Variants in SLC35F1 observed in about 807,000 individuals in gnomAD.
The protein encoded by SLC35F1 is chromosome 6 open reading frame 169.
A neutral mutation model predicts 48.7 loss-of-function variants in SLC35F1; 14 were observed. The ratio of observed to expected loss-of-function variants is 0.29; its 90% confidence interval spans 0.19 to 0.45. The LOEUF (loss-of-function observed/expected upper bound fraction) is 0.45, where lower values mean the gene tolerates loss of function less well. Ranked by LOEUF, SLC35F1 falls within the 20% of genes least tolerant of loss-of-function variation. SLC35F1 has a pLI of 1.00. For missense variants in SLC35F1, 404 were observed against 500.0 expected, an observed-to-expected ratio of 0.81 and a Z score of 1.83; for synonymous variants, 190 against 202.2, an observed-to-expected ratio of 0.94 and a Z score of 0.51.
intron 2 of SLC35F1, among the ~76,000 whole-genome samples, chr6:118,170,024 G>T (rs552408995): frequency 6.6e-6 from 1 of 152,152 alleles, no homozygotes; most frequent in Non-Finnish European, 1.5e-5. Context: ...CTTCTAAAAC[G>T]CAGGCTAAGT....
intron 1 of SLC35F1, among the ~76,000 whole-genome samples, chr6:117,996,207 T>G (rs1179370933): frequency 2.0e-5 from 3 of 152,172 alleles, no homozygotes; most frequent in Admixed American, 2.0e-4. Context: ...AAAAACAAAC[T>G]TTAGTGTTAA....
chr6:118,251,658 A>G (rs765898790), intron 3 of SLC35F1, among the ~76,000 whole-genome samples: 1 of 152,170 alleles, frequency 6.6e-6, no homozygotes, highest in Non-Finnish European at 1.5e-5. Context: ...TTCAGATCAG[A>G]TCAGACAGAA....
At chr6:117,911,392 C>T (rs1422928536) in intron 1 of SLC35F1, among the ~76,000 whole-genome samples, 1 of 124,468 alleles carries the variant, frequency 8.0e-6, no homozygotes, top group Non-Finnish European at 1.7e-5. Context: ...CCTCCCCTCC[C>T]CTCCCCTCCC....
At chr6:118,159,808 T>C (rs1774202451) in intron 2 of SLC35F1, among the ~76,000 whole-genome samples, 1 of 152,222 alleles carries the variant, frequency 6.6e-6, no homozygotes, top group African/African-American at 2.4e-5. Flanking sequence ...CTCTTGTCTG[T>C]TATGACAAAA....
chr6:118,234,118 A>G (rs867566042), intron 2 of SLC35F1, among the ~76,000 whole-genome samples: 2 of 152,162 alleles, frequency 1.3e-5, no homozygotes, highest in Admixed American at 1.3e-4. Context: ...TGAGGATCCA[A>G]TGTTCTTCTG....
At chr6:118,222,086 A>G (rs972080334) in intron 2 of SLC35F1, among the ~76,000 whole-genome samples, 3 of 152,056 alleles carry the variant, frequency 2.0e-5, no homozygotes, top group Admixed American at 6.6e-5. Context: ...TTTTTGTTGA[A>G]GAAATAATCA....
intron 6 of SLC35F1, among the ~76,000 whole-genome samples, chr6:118,278,698 C>T (rs1775946936): frequency 6.6e-6 from 1 of 152,148 alleles, no homozygotes; most frequent in South Asian, 2.1e-4. Context: ...AAGAGGAGGG[C>T]AACAGGGAAA....
At chr6:117,987,069 G>C (rs1425345991) in intron 1 of SLC35F1, among the ~76,000 whole-genome samples, 1 of 152,088 alleles carries the variant, frequency 6.6e-6, no homozygotes, top group East Asian at 1.9e-4. Context: ...CACGTTAAAG[G>C]CCAAGCCTGT....
At chr6:118,146,537 T>C (rs1489653443) in intron 1 of SLC35F1, among the ~76,000 whole-genome samples, 1 of 152,200 alleles carries the variant, frequency 6.6e-6, no homozygotes, top group African/African-American at 2.4e-5. Flanking sequence ...AAAACTATGT[T>C]CTCTAGAAAA....
At chr6:117,950,376 T>A (rs1413202172) in intron 1 of SLC35F1, among the ~76,000 whole-genome samples, 3 of 152,226 alleles carry the variant, frequency 2.0e-5, no homozygotes, top group Non-Finnish European at 4.4e-5. Context: ...CATGACTGGC[T>A]GGACTCCAGA....
At chr6:117,992,681 T>G (rs1053484794) in intron 1 of SLC35F1, among the ~76,000 whole-genome samples, 1 of 152,216 alleles carries the variant, frequency 6.6e-6, no homozygotes, top group Non-Finnish European at 1.5e-5. Flanking sequence ...ATGAGAGAGA[T>G]TTTTAATGGA....
rs112180558 is a variant in SLC35F1, at chr6:118,099,323, C to T, written c.174-55122C>T. ...TGCCAAAGTTCCTGATCCAGTAAGTCGATGCTGCTAGTTGGGAAACCTTAT... is the reference window on the plus strand; with the variant it reads ...TGCCAAAGTTCCTGATCCAGTAAGTTGATGCTGCTAGTTGGGAAACCTTAT... On this transcript the variant is annotated intron_variant, in intron 1 of 7. Transcript: ENST00000360388. 8.8e-3 allele frequency among the ~76,000 whole-genome samples: 1,338 copies of T among 152,274 alleles called. 13 individuals carry two copies. Among genetic ancestry groups the T allele is most frequent in the Non-Finnish European group, 0.015 (1,001 of 68,016 alleles).
intron 2 of SLC35F1, among the ~76,000 whole-genome samples, chr6:118,203,701 C>T (rs1774898584): frequency 6.6e-6 from 1 of 152,212 alleles, no homozygotes; most frequent in South Asian, 2.1e-4. Flanking sequence ...AAAAAAACTG[C>T]AAACTGTCTG....
At chr6:118,089,438 A>G (rs1328758596) in intron 1 of SLC35F1, among the ~76,000 whole-genome samples, 1 of 152,160 alleles carries the variant, frequency 6.6e-6, no homozygotes, top group African/African-American at 2.4e-5. Flanking sequence ...GCCTTTTGCT[A>G]AAGGAATTAG....
chr6:118,045,135 G>A lies in SLC35F1; in HGVS notation c.174-109310G>A, dbSNP rs80139759. ...CTAGCTTTTCAGGAAACAACTCTTT[G>A]TTTGACAAATGTATTCTTAAATAAT... is the stretch of plus-strand genomic sequence containing the variant. On this transcript the variant is annotated intron_variant, in intron 1 of 7. Coordinates refer to ENST00000360388, the MANE Select transcript of SLC35F1 (RefSeq NM_001029858.4). Among the ~76,000 whole-genome samples the A allele has an allele frequency of 3.1e-3, 467 of 152,204 alleles. 15 individuals carry two copies. The East Asian group carries it at 0.07, about 23-fold the overall frequency.
chr6:118,279,052 A>G (rs1280437960), intron 6 of SLC35F1, among the ~76,000 whole-genome samples: 1 of 152,214 alleles, frequency 6.6e-6, no homozygotes, highest in African/African-American at 2.4e-5. Flanking sequence ...CCATCCATTT[A>G]ATTTCTGATT....
chr6:118,235,700 G>T (rs958221692), intron 3 of SLC35F1, 64 bp downstream of exon 3: 1 of 1,556,862 alleles, frequency 6.4e-7, no homozygotes, highest in African/African-American at 1.4e-5. Context: ...TTTCAGTTTA[G>T]TCCTTGAAAA....
chr6:117,982,295 C>A (rs1776790764), intron 1 of SLC35F1, among the ~76,000 whole-genome samples: 1 of 152,026 alleles, frequency 6.6e-6, no homozygotes, highest in Non-Finnish European at 1.5e-5. Flanking sequence ...TCTGAGATGA[C>A]AACAAATATT....
At position 117,923,539 on chromosome 6, in the gene SLC35F1, T is replaced by C. The variant is rs149944857; in HGVS notation, c.173+15640T>C. ...CATGTGTATATACACATATATGGAA[T>C]AGAATGGAAATTGACATACATATAT... On this transcript the variant is annotated intron_variant, in intron 1 of 7. Transcript: ENST00000360388. Among the ~76,000 whole-genome samples the C allele has an allele frequency of 5.9e-3, 800 of 136,690 alleles. 9 individuals are homozygous for C. Among genetic ancestry groups the C allele is most frequent in the African/African-American group, 0.02 (756 of 37,498 alleles). 89.7% of individuals were successfully genotyped at this position (136,690 alleles called of 152,430 possible). A position where few individuals can be genotyped will look rare whatever the true frequency, so the allele number is the denominator to read the frequency against.
Sources: allele counts gnomAD v4.1 joint callset (sites outside exome capture counted in the v4.1 genomes callset), GRCh38; gene constraint gnomAD v4.1.1; transcripts MANE v1.5; gene names NCBI Gene and HGNC (gene_info 2026-07-23, HGNC 2026-07-21).